ARHGAP12: variants seen among roughly 807,000 people sequenced by gnomAD.
The protein encoded by ARHGAP12 is rho GTPase-activating protein 12.
A neutral mutation model predicts 108.6 loss-of-function variants in ARHGAP12; 64 were observed. The ratio of observed to expected loss-of-function variants is 0.59; its 90% CI spans 0.48 to 0.73. The LOEUF (loss-of-function observed/expected upper bound fraction) is 0.73. Ranked by LOEUF, ARHGAP12 falls within the 30% of genes least tolerant of loss-of-function variation. ARHGAP12 has a pLI of 0.00. For missense variants in ARHGAP12, 940 were observed against 1,005.9 expected (o/e 0.93, Z 0.89); for synonymous variants, 312 against 337.2 (o/e 0.93, Z 0.82).
chr10:31,911,168 C>G (rs1839329003), intron 1 of ARHGAP12, among the ~76,000 whole-genome samples: 1 of 152,144 alleles, frequency 6.6e-6, no homozygotes, highest in Non-Finnish European at 1.5e-5. Context: ...GGATTACAGG[C>G]ATGAGCCACC....
chr10:31,821,322 G>A (rs1348758767), intron 11 of ARHGAP12, among the ~76,000 whole-genome samples: 1 of 152,102 alleles, frequency 6.6e-6, no homozygotes, highest in Non-Finnish European at 1.5e-5. Flanking sequence ...ATTAGCAAAA[G>A]TAGTAGAAAA....
intron 19 of ARHGAP12, chr10:31,808,311 T>C (rs1834895993): frequency 5.8e-6 from 1 of 172,162 alleles, no homozygotes; most frequent in Admixed American, 6.2e-5. Flanking sequence ...TTAAAGTGGC[T>C]ATGTAGTAAC....
intron 3 of ARHGAP12, among the ~76,000 whole-genome samples, chr10:31,890,331 T>G (rs117408474): frequency 6.6e-6 from 1 of 152,186 alleles, no homozygotes; most frequent in African/African-American, 2.4e-5. Flanking sequence ...TACAAATAGG[T>G]TGCTTTCTAA....
At chr10:31,846,779 T>C (rs1836474700) in intron 6 of ARHGAP12, among the ~76,000 whole-genome samples, 1 of 151,978 alleles carries the variant, frequency 6.6e-6, no homozygotes, top group Non-Finnish European at 1.5e-5. Context: ...TGGGGGCATT[T>C]TCAAACTACT....
Position 31,852,617 on chromosome 10 carries a change from GTTTT to G in ARHGAP12, c.1090-24_1090-21del. On this transcript the variant is annotated intron_variant, in intron 5 of 19. Coordinates refer to ENST00000344936, the MANE Select transcript of ARHGAP12 (RefSeq NM_018287.7). ...GAGCCACTATAAAAACAGAACAGGT[GTTTT>G]TTATTAAATTTAAATAAAAGTGAGT... 1 of 1,539,208 alleles carries G rather than the reference GTTTT, an allele frequency of 6.5e-7. No individual in the cohort carries two copies. The highest frequency in any genetic ancestry group is 2.3e-5 in the East Asian group (1 of 43,172).
At position 31,810,650 on chromosome 10, in the gene ARHGAP12, A is replaced by G; in HGVS notation, c.2049T>C (p.His683=). 6.4e-7 allele frequency: 1 copy of G among 1,561,880 alleles called. No homozygotes were observed. The highest frequency in any genetic ancestry group is 1.4e-5 in the African/African-American group (1 of 71,682). ...VKLCIEHVEE[H]GLDIDGIYRV... ...AAAAAATCAAAATCCTTCTCTTACC[A>G]TGTTCTTCAACATGTTCAATACATA... The change falls in exon 16 of 20, where the codon CAT becomes CAC. Residue 683 remains histidine, a splice_region_variant and synonymous_variant. Coordinates refer to ENST00000344936, the MANE Select transcript of ARHGAP12 (RefSeq NM_018287.7).
chr10:31,904,326 CAG>C (rs1839036615), intron 3 of ARHGAP12, among the ~76,000 whole-genome samples: 1 of 152,164 alleles, frequency 6.6e-6, no homozygotes, highest in Non-Finnish European at 1.5e-5. Context: ...GATCAATCTA[CAG>C]AGTTACACTG....
chr10:31,917,311 G>A (rs1440992282), intron 1 of ARHGAP12, among the ~76,000 whole-genome samples: 1 of 152,044 alleles, frequency 6.6e-6, no homozygotes, highest in Non-Finnish European at 1.5e-5. Context: ...GGGAGACTGA[G>A]GCAGGAGAAT....
At chr10:31,809,408 G>A in intron 16 of ARHGAP12, 101 bp from the exon 17 acceptor site, 1 of 1,077,640 alleles carries the variant, frequency 9.3e-7, no homozygotes, top group Non-Finnish European at 1.4e-6. Flanking sequence ...ATTTGCATTA[G>A]CCTAAAATCA....
At chr10:31,843,134 A>C (rs939185806) in intron 7 of ARHGAP12, among the ~76,000 whole-genome samples, 1 of 152,188 alleles carries the variant, frequency 6.6e-6, no homozygotes, top group African/African-American at 2.4e-5. Context: ...TACTGGGATC[A>C]AATGTATCAA....
chr10:31,903,355 C>T (rs1482454003), intron 3 of ARHGAP12, among the ~76,000 whole-genome samples: 2 of 152,034 alleles, frequency 1.3e-5, no homozygotes, highest in Non-Finnish European at 2.9e-5. Context: ...CTTCTGGTAC[C>T]GTCATCATTC....
chr10:31,839,724 A>C lies in ARHGAP12; in HGVS notation c.1297-13T>G, dbSNP rs1001602668. On this transcript the variant is annotated splice_polypyrimidine_tract_variant and intron_variant, in intron 7 of 19. Coordinates refer to ENST00000344936, the MANE Select transcript of ARHGAP12 (RefSeq NM_018287.7). ...CAGTTGGAGATTCCTACAAGAAATA[A>C]GTAATGAAAAAAGTTACTCTATTTT... 1 of 1,588,300 alleles carries C rather than the reference A, an allele frequency of 6.3e-7. No homozygotes were observed. Among genetic ancestry groups the C allele is most frequent in the African/African-American group, 1.3e-5 (1 of 74,378 alleles).
At chr10:31,887,688 C>T (rs572294549) in intron 3 of ARHGAP12, among the ~76,000 whole-genome samples, 2 of 140,128 alleles carry the variant, frequency 1.4e-5, no homozygotes, top group East Asian at 2.1e-4. Flanking sequence ...GATGGAGTCT[C>T]GCTTTGTCGC....
At chr10:31,924,970 T>C (rs768612855) in intron 1 of ARHGAP12, among the ~76,000 whole-genome samples, 2 of 152,092 alleles carry the variant, frequency 1.3e-5, no homozygotes, top group South Asian at 2.1e-4. Flanking sequence ...AGTAGAAAAA[T>C]AGTCACAAAC....
At chr10:31,830,540 T>C (rs1359112811) in intron 10 of ARHGAP12, among the ~76,000 whole-genome samples, 1 of 152,052 alleles carries the variant, frequency 6.6e-6, no homozygotes, top group Admixed American at 6.5e-5. Context: ...TACATAATTG[T>C]AGTATTTATA....
chr10:31,886,138 C>T (rs539590899), intron 3 of ARHGAP12, among the ~76,000 whole-genome samples: 153 of 152,282 alleles, frequency 1.0e-3, no homozygotes, highest in African/African-American at 3.4e-3. Flanking sequence ...ATTCTATGCA[C>T]AGAGATGAGA....
intron 3 of ARHGAP12, among the ~76,000 whole-genome samples, chr10:31,868,021 G>A (rs545474516): frequency 5.9e-5 from 9 of 152,162 alleles, no homozygotes; most frequent in East Asian, 3.9e-4. Context: ...CCAACATGGC[G>A]AAACCCCATC....
chr10:31,861,994 A>T (rs1383216660), intron 3 of ARHGAP12, among the ~76,000 whole-genome samples: 1 of 152,174 alleles, frequency 6.6e-6, no homozygotes, highest in Non-Finnish European at 1.5e-5. Flanking sequence ...TGAAAGTGAA[A>T]TTTTTTATCT....
At chr10:31,894,412 A>G (rs1036051813) in intron 3 of ARHGAP12, among the ~76,000 whole-genome samples, 5 of 152,148 alleles carry the variant, frequency 3.3e-5, no homozygotes, top group African/African-American at 7.2e-5. Flanking sequence ...TCAGGATACA[A>G]AATCAATGTG....
Sources: allele counts gnomAD v4.1 joint callset (sites outside exome capture counted in the v4.1 genomes callset), GRCh38; gene constraint gnomAD v4.1.1; transcripts MANE v1.5; gene names NCBI Gene and HGNC (gene_info 2026-07-23, HGNC 2026-07-21).